Variants in TENM4 observed in about 807,000 individuals in gnomAD.
TENM4 encodes the protein teneurin transmembrane protein 4.
Under a neutral mutation model 243.3 loss-of-function variants are expected in TENM4, and 82 were observed. The ratio of observed to expected loss-of-function variants is 0.34; its 90% CI spans 0.28 to 0.40. TENM4 has a LOEUF of 0.40. Among genes scored for constraint, TENM4 ranks in the 10% least tolerant of loss-of-function variants. The pLI is 1.00. For missense variants in TENM4, 3,138 were observed against 3,673.3 expected (o/e 0.85, Z 3.77); for synonymous variants, 1,412 against 1,456.3 (o/e 0.97, Z 0.69).
At chr11:79,419,400 C>CA (rs1266245071) in intron 1 of TENM4, among the ~76,000 whole-genome samples, 1 of 152,172 alleles carries the variant, frequency 6.6e-6, no homozygotes, top group East Asian at 1.9e-4. Context: ...CTCCATGTTC[C>CA]CAATGGCACC....
chr11:78,725,814 G>A (rs1380439950), intron 23 of TENM4, among the ~76,000 whole-genome samples: 1 of 152,192 alleles, frequency 6.6e-6, no homozygotes, highest in African/African-American at 2.4e-5. Flanking sequence ...ATGTCAGGGT[G>A]CATATGGCAC....
intron 4 of TENM4, among the ~76,000 whole-genome samples, chr11:79,090,146 G>A (rs1293124444): frequency 6.6e-6 from 1 of 152,208 alleles, no homozygotes; most frequent in Non-Finnish European, 1.5e-5. Flanking sequence ...GCAGAGCTCG[G>A]ACTCTACTAC....
At chr11:78,941,192 C>A (rs549189426) in intron 6 of TENM4, among the ~76,000 whole-genome samples, 10 of 152,340 alleles carry the variant, frequency 6.6e-5, no homozygotes, top group African/African-American at 2.2e-4. Context: ...TGGCAAATTG[C>A]ATGATCTCTC....
intron 6 of TENM4, among the ~76,000 whole-genome samples, chr11:78,980,761 A>G (rs557373698): frequency 1.7e-4 from 26 of 152,286 alleles, no homozygotes; most frequent in African/African-American, 6.3e-4. Context: ...CCTACCTCAC[A>G]GGGTTGTACA....
At chr11:79,025,209 A>G (rs553765168) in intron 6 of TENM4, among the ~76,000 whole-genome samples, 2 of 152,208 alleles carry the variant, frequency 1.3e-5, no homozygotes, top group South Asian at 4.2e-4. Context: ...GGTCATATTC[A>G]TGTCTATTTC....
chr11:79,427,518 T>C lies in TENM4; in HGVS notation c.-321+12991A>G, dbSNP rs571290591. Reference sequence around the variant, plus strand: ...AATGTGTGTAATGTGCTCCAAATTATGGTGGGAGAGGGTAGTGGTGAGAAT... The same window carrying C: ...AATGTGTGTAATGTGCTCCAAATTACGGTGGGAGAGGGTAGTGGTGAGAAT... On this transcript the variant is annotated intron_variant, in intron 1 of 33. Coordinates refer to ENST00000278550, the MANE Select transcript of TENM4 (RefSeq NM_001098816.3). Among the ~76,000 whole-genome samples, 3 of 152,258 alleles carry C rather than the reference T, an allele frequency of 2.0e-5. No homozygotes were observed. In the South Asian group the frequency reaches 6.2e-4, roughly 32 times the overall value.
intron 6 of TENM4, among the ~76,000 whole-genome samples, chr11:78,946,392 C>T (rs1005647349): frequency 6.6e-6 from 1 of 152,220 alleles, no homozygotes. Flanking sequence ...TTGAGAGCTA[C>T]TGCTCAGAAG....
At chr11:79,227,784 G>A (rs140829291) in intron 2 of TENM4, among the ~76,000 whole-genome samples, 3 of 152,300 alleles carry the variant, frequency 2.0e-5, no homozygotes, top group African/African-American at 7.2e-5. Context: ...CAGAAAGCTT[G>A]GTCAGGTTAG....
intron 6 of TENM4, among the ~76,000 whole-genome samples, chr11:78,983,067 C>T (rs188857473): frequency 2.6e-5 from 4 of 152,300 alleles, no homozygotes; most frequent in East Asian, 1.9e-4. Context: ...ATACCCTTGC[C>T]GGTATCTTTT....
intron 1 of TENM4, among the ~76,000 whole-genome samples, chr11:79,326,640 G>A (rs1158794762): frequency 6.6e-6 from 1 of 152,200 alleles, no homozygotes; most frequent in Non-Finnish European, 1.5e-5. Context: ...CAGGAACTAG[G>A]TTGGGATTAA....
chr11:78,772,551 A>T (rs1222407442), intron 17 of TENM4, among the ~76,000 whole-genome samples: 1 of 152,196 alleles, frequency 6.6e-6, no homozygotes, highest in East Asian at 1.9e-4. Flanking sequence ...GCCATGAATT[A>T]ATGGGAAATT....
intron 27 of TENM4, among the ~76,000 whole-genome samples, chr11:78,704,695 T>C (rs193077657): frequency 5.6e-4 from 85 of 152,326 alleles, no homozygotes; most frequent in African/African-American, 1.9e-3. Flanking sequence ...GGATGGCATA[T>C]ATATCAAAAT....
At chr11:79,080,763 G>A (rs530905145) in intron 4 of TENM4, among the ~76,000 whole-genome samples, 1 of 152,142 alleles carries the variant, frequency 6.6e-6, no homozygotes, top group Non-Finnish European at 1.5e-5. Context: ...AGGCCCCAGG[G>A]AAAAATACTT....
intron 2 of TENM4, among the ~76,000 whole-genome samples, chr11:79,229,383 T>A (rs1357306146): frequency 6.6e-6 from 1 of 152,214 alleles, no homozygotes; most frequent in Admixed American, 6.5e-5. Context: ...CCACACCAGA[T>A]TTGCTTGCAG....
At position 78,756,870 on chromosome 11, in the gene TENM4, G is replaced by A; in HGVS notation, c.2691C>T (p.Arg897=). 6.2e-7 allele frequency: 1 copy of A among 1,613,836 alleles called. No individual in the cohort carries two copies. Among genetic ancestry groups the A allele is most frequent in the East Asian group, 2.2e-5 (1 of 44,864 alleles). ...SQQNLHSFYD[R]IKFLVGRDST... ...TGTCCCTGCCCACGAGGAACTTGAT[G>A]CGGTCATAGAAGGAGTGTAGGTTCT... Residue 897 remains arginine (R), a synonymous_variant, in exon 19 of 34, where the codon CGC becomes CGT. Coordinates refer to ENST00000278550, the MANE Select transcript of TENM4 (RefSeq NM_001098816.3).
rs556668121 is a variant in TENM4, at chr11:79,287,473, A to C, written c.-265+10015T>G. 2.6e-5 allele frequency among the ~76,000 whole-genome samples: 4 copies of C among 152,290 alleles called. No homozygotes were observed. In the South Asian group the frequency reaches 8.3e-4, roughly 32 times the overall value. Reference sequence around the variant, plus strand: ...AAGATTTAATGTAGTCCTTGAGAAAATATCCATGTTCTGTAGATCATGAAT... The same window carrying C: ...AAGATTTAATGTAGTCCTTGAGAAACTATCCATGTTCTGTAGATCATGAAT... On this transcript the variant is annotated intron_variant, in intron 2 of 33. Coordinates refer to ENST00000278550, the MANE Select transcript of TENM4 (RefSeq NM_001098816.3).
chr11:79,164,660 C>T (rs898473630), intron 3 of TENM4, among the ~76,000 whole-genome samples: 9 of 149,858 alleles, frequency 6.0e-5, no homozygotes, highest in Non-Finnish European at 7.4e-5. Flanking sequence ...CCAGAATTCC[C>T]GTGTGTTATG....
intron 6 of TENM4, among the ~76,000 whole-genome samples, chr11:78,956,495 C>T (rs78330781): frequency 0.025 from 3,839 of 152,280 alleles, 166 homozygotes; most frequent in African/African-American, 0.087. Context: ...TATAGCAGAG[C>T]GGCTAGGCCT....
chr11:78,934,042 T>G lies in TENM4; in HGVS notation c.494-30519A>C, dbSNP rs1856728863. On this transcript the variant is annotated intron_variant, in intron 6 of 33. Transcript: ENST00000278550. ...ACTGTTAGGAATTTTAAAATACCCCTCAAATGGGCAGTACTCAGGGCAGTA... is the reference window on the plus strand; with the variant it reads ...ACTGTTAGGAATTTTAAAATACCCCGCAAATGGGCAGTACTCAGGGCAGTA... Among the ~76,000 whole-genome samples the G allele has an allele frequency of 2.6e-5, 4 of 152,100 alleles. No homozygotes were observed. The South Asian group carries it at 8.3e-4, about 32-fold the overall frequency.
Sources: gnomAD v4.1 joint callset for allele counts (sites outside exome capture counted in the v4.1 genomes callset) on GRCh38, gnomAD v4.1.1 for gene constraint, MANE v1.5 for transcripts, NCBI Gene and HGNC (gene_info 2026-07-23, HGNC 2026-07-21) for gene names.